ROBO2: variants seen among roughly 807,000 people sequenced by gnomAD.
The protein encoded by ROBO2 is roundabout homolog 2.
ROBO2 carries 53 observed loss-of-function variants against 160.8 expected under a neutral mutation model. That is an observed-to-expected ratio of 0.33 (90% confidence interval 0.26 to 0.41). The LOEUF (loss-of-function observed/expected upper bound fraction) is 0.41. Among genes scored for constraint, ROBO2 ranks in the 10% least tolerant of loss-of-function variants. The pLI is 1.00. For missense variants in ROBO2, 1,577 were observed against 1,722.4 expected (o/e 0.92, Z 1.49); for synonymous variants, 664 against 611.7 (o/e 1.09, Z -1.26).
At chr3:76,725,259 T>G (rs11127558) in intron 2 of ROBO2, among the ~76,000 whole-genome samples, 41,509 of 151,898 alleles carry the variant, frequency 0.27, 7,029 homozygotes, top group African/African-American at 0.47. Context: ...ATCCCTAATA[T>G]CTAACATGTC....
chr3:76,441,732 GA>G, intron 2 of ROBO2, among the ~76,000 whole-genome samples: 1 of 152,286 alleles, frequency 6.6e-6, no homozygotes, highest in South Asian at 2.1e-4. Flanking sequence ...GCTAGATGAA[GA>G]AATGCAAATT....
chr3:77,529,173 TACA>T (rs1321401401), intron 6 of ROBO2, among the ~76,000 whole-genome samples: 7 of 150,956 alleles, frequency 4.6e-5, no homozygotes, highest in Non-Finnish European at 7.4e-5. Context: ...ATAAATTATA[TACA>T]ACAATGATAT....
intron 2 of ROBO2, among the ~76,000 whole-genome samples, chr3:76,253,083 A>G (rs1401522070): frequency 1.3e-5 from 2 of 152,018 alleles, no homozygotes; most frequent in East Asian, 1.9e-4. Context: ...ACCTAGATCA[A>G]TGTTTGATTA....
intron 2 of ROBO2, among the ~76,000 whole-genome samples, chr3:76,505,855 C>T (rs978293887): frequency 3.3e-5 from 5 of 152,050 alleles, no homozygotes; most frequent in African/African-American, 4.8e-5. Context: ...AGTATGTCAT[C>T]CATAAAAGAA....
At chr3:77,584,901 T>TGC (rs2094005389) in intron 16 of ROBO2, among the ~76,000 whole-genome samples, 1 of 149,904 alleles carries the variant, frequency 6.7e-6, no homozygotes, top group Admixed American at 6.7e-5. Context: ...TATGTGTGTG[T>TGC]GTGTGTGTGT....
intron 2 of ROBO2, among the ~76,000 whole-genome samples, chr3:76,208,564 A>G (rs1304373575): frequency 6.6e-6 from 1 of 152,140 alleles, no homozygotes; most frequent in Non-Finnish European, 1.5e-5. Flanking sequence ...TGTTTTCTTA[A>G]CATACTTTCG....
chr3:75,959,800 G>GGA (rs1948847663), intron 2 of ROBO2, among the ~76,000 whole-genome samples: 1 of 151,066 alleles, frequency 6.6e-6, no homozygotes, highest in Non-Finnish European at 1.5e-5. Flanking sequence ...AAATTTACCA[G>GGA]GCAGAAATGC....
intron 2 of ROBO2, among the ~76,000 whole-genome samples, chr3:76,987,528 A>G (rs183257051): frequency 2.0e-5 from 3 of 152,272 alleles, no homozygotes; most frequent in East Asian, 3.9e-4. Context: ...CTCAAAACCT[A>G]TGTAGCAATG....
At chr3:77,560,467 A>G (rs1247112148) in intron 9 of ROBO2, among the ~76,000 whole-genome samples, 1 of 152,142 alleles carries the variant, frequency 6.6e-6, no homozygotes, top group Non-Finnish European at 1.5e-5. Context: ...CCCCAAAATG[A>G]AAACGTTGTT....
intron 2 of ROBO2, among the ~76,000 whole-genome samples, chr3:77,255,137 G>A (rs995636896): frequency 2.0e-5 from 3 of 152,204 alleles, no homozygotes; most frequent in African/African-American, 7.2e-5. Flanking sequence ...ACAGAGAAAT[G>A]TAAGGTTACC....
intron 2 of ROBO2, among the ~76,000 whole-genome samples, chr3:77,214,216 G>A (rs1296626255): frequency 6.6e-6 from 1 of 152,104 alleles, no homozygotes; most frequent in Non-Finnish European, 1.5e-5. Context: ...GGGATTCTAA[G>A]TCTCTTTGTA....
intron 2 of ROBO2, among the ~76,000 whole-genome samples, chr3:76,121,322 A>T (rs1295603511): frequency 6.6e-6 from 1 of 152,128 alleles, no homozygotes; most frequent in Non-Finnish European, 1.5e-5. Context: ...AAGAAATATT[A>T]TTGAGTAGTA....
chr3:77,570,849 C>G (rs1296297974), intron 13 of ROBO2, among the ~76,000 whole-genome samples: 1 of 151,878 alleles, frequency 6.6e-6, no homozygotes, highest in Non-Finnish European at 1.5e-5. Context: ...AGGAAGTTTC[C>G]CAGTGGTTGG....
intron 2 of ROBO2, among the ~76,000 whole-genome samples, chr3:76,296,562 C>G (rs575712609): frequency 2.0e-5 from 3 of 150,772 alleles, no homozygotes; most frequent in African/African-American, 7.5e-5. Flanking sequence ...CCCCTTTCTC[C>G]CTATGGCATT....
At chr3:77,527,484 T>G in intron 6 of ROBO2, 70 bp downstream of exon 7, 1 of 1,039,778 alleles carries the variant, frequency 9.6e-7, no homozygotes, top group Non-Finnish European at 1.3e-6. Flanking sequence ...CATAGTAAGA[T>G]TTGACAGAAT....
intron 2 of ROBO2, among the ~76,000 whole-genome samples, chr3:76,187,733 G>T (rs879563594): frequency 1.3e-5 from 2 of 152,056 alleles, no homozygotes; most frequent in Non-Finnish European, 2.9e-5. Context: ...TGTTGATTCT[G>T]TCTCTAAATG....
At chr3:76,192,133 T>C (rs1379891539) in intron 2 of ROBO2, among the ~76,000 whole-genome samples, 1 of 151,846 alleles carries the variant, frequency 6.6e-6, no homozygotes, top group Non-Finnish European at 1.5e-5. Flanking sequence ...AATCCTGCCA[T>C]TTCCCTAGTT....
At chr3:77,602,153 T>C in intron 19 of ROBO2, 57 bp from the exon 21 acceptor site, 1 of 1,553,796 alleles carries the variant, frequency 6.4e-7, no homozygotes, top group Non-Finnish European at 8.9e-7. Context: ...TCAGTCCTGA[T>C]AGTTTTGGGC....
intron 2 of ROBO2, among the ~76,000 whole-genome samples, chr3:76,099,762 A>T (rs2069604552): frequency 6.6e-6 from 1 of 152,112 alleles, no homozygotes; most frequent in Non-Finnish European, 1.5e-5. Context: ...CTTACCAAAA[A>T]CGTAAGAGAA....
Sources: gnomAD v4.1 joint callset for allele counts (sites outside exome capture counted in the v4.1 genomes callset) on GRCh38, gnomAD v4.1.1 for gene constraint, MANE v1.5 for transcripts, NCBI Gene and HGNC (gene_info 2026-07-23, HGNC 2026-07-21) for gene names.